Variants in DBNDD1 observed in about 807,000 individuals in gnomAD.
The protein encoded by DBNDD1 is dysbindin domain-containing protein 1.
Under a neutral mutation model 17.0 loss-of-function variants are expected in DBNDD1, and 14 were observed. The ratio of observed to expected loss-of-function variants is 0.82; its 90% CI spans 0.54 to 1.29. The LOEUF (loss-of-function observed/expected upper bound fraction) is 1.29, where lower values mean the gene tolerates loss of function less well. Ranked by LOEUF, DBNDD1 falls within the 50% of genes most tolerant of loss-of-function variation. The pLI, the probability that DBNDD1 is intolerant of heterozygous loss-of-function variation, is 0.00. For missense variants in DBNDD1, 221 were observed against 216.2 expected (o/e 1.02, Z -0.14); for synonymous variants, 105 against 102.0 (o/e 1.03, Z -0.18).
chr16:90,010,311 A>G (rs1430076955), intron 1 of DBNDD1: 14 of 282,472 alleles, frequency 5.0e-5, no homozygotes, highest in Non-Finnish European at 8.6e-5. Flanking sequence ...AAGTGCTAGG[A>G]TTACAAGGTG....
chr16:90,009,414 A>C lies in DBNDD1; in HGVS notation c.48T>G (p.Ala16=). ...GAGTGEIVKE[A]EVPQAALGVP... ...CGCCCAGCGCAGCCTGCGGCACCTCAGCCTCCTTAACGATCTCTGCATCCA... is the reference window on the plus strand; with the variant it reads ...CGCCCAGCGCAGCCTGCGGCACCTCCGCCTCCTTAACGATCTCTGCATCCA... Residue 16 remains alanine, a synonymous_variant, in exon 2 of 4, where the codon GCT becomes GCG. Coordinates refer to ENST00000002501, the MANE Select transcript of DBNDD1 (RefSeq NM_001042610.3). 1 of 1,611,968 alleles carries C rather than the reference A, an allele frequency of 6.2e-7. No homozygotes were observed. The highest frequency in any genetic ancestry group is 8.5e-7 in the Non-Finnish European group (1 of 1,179,990).
chr16:90,016,645 G>T (rs1015061552), intron 1 of DBNDD1, among the ~76,000 whole-genome samples: 1 of 152,194 alleles, frequency 6.6e-6, no homozygotes, highest in African/African-American at 2.4e-5. Flanking sequence ...AGGAGTTGGG[G>T]TGCCTCAGCC....
At chr16:90,015,299 C>G (rs538660466) in intron 1 of DBNDD1, among the ~76,000 whole-genome samples, 2 of 152,270 alleles carry the variant, frequency 1.3e-5, no homozygotes, top group South Asian at 4.2e-4. Flanking sequence ...ACCTGAGCCC[C>G]CAGGAGGGGC....
intron 1 of DBNDD1, among the ~76,000 whole-genome samples, chr16:90,017,476 CAG>C (rs2035659491): frequency 6.8e-6 from 1 of 147,438 alleles, no homozygotes; most frequent in East Asian, 2.1e-4. Flanking sequence ...GCCTGGGCAA[CAG>C]AGCGAGACTC....
chr16:90,016,424 G>A (rs4293384), intron 1 of DBNDD1, among the ~76,000 whole-genome samples: 17,739 of 152,222 alleles, frequency 0.12, 2,133 homozygotes, highest in East Asian at 0.62. Flanking sequence ...ATGGGGGCGG[G>A]TGCTGGCAGC....
chr16:90,010,574 C>T (rs1243673235), intron 1 of DBNDD1, among the ~76,000 whole-genome samples: 2 of 151,464 alleles, frequency 1.3e-5, no homozygotes, highest in Non-Finnish European at 2.9e-5. Context: ...CGTGATCCAC[C>T]CGCCTTGGCC....
Position 90,014,998 on chromosome 16 carries a change from C to T in DBNDD1, c.31+4313G>A, listed in dbSNP as rs1449862841. ...CCAGCCTGGGCGACAGAACGAGACT[C>T]TTGTTTCAAAAAAAAAAAAAAAAGC... On this transcript the variant is annotated intron_variant, in intron 1 of 3. Coordinates refer to ENST00000002501, the MANE Select transcript of DBNDD1 (RefSeq NM_001042610.3). Among the ~76,000 whole-genome samples, 4 of 146,234 alleles carry T rather than the reference C, an allele frequency of 2.7e-5. 1 individual carries two copies. Among genetic ancestry groups the T allele is most frequent in the African/African-American group, 1.0e-4 (4 of 39,392 alleles).
chr16:90,009,891 C>T, intron 1 of DBNDD1: 1 of 1,534,304 alleles, frequency 6.5e-7, no homozygotes, highest in Non-Finnish European at 9.0e-7. Flanking sequence ...CTGACTTTTC[C>T]TTTTAAAAAC....
chr16:90,018,894 G>T (rs984103185), intron 1 of DBNDD1, among the ~76,000 whole-genome samples: 4 of 152,182 alleles, frequency 2.6e-5, no homozygotes, highest in African/African-American at 9.6e-5. Context: ...GGGACTCGCG[G>T]CTGGGCGAAC....
intron 1 of DBNDD1, among the ~76,000 whole-genome samples, chr16:90,010,927 G>A (rs2035543089): frequency 6.7e-6 from 1 of 149,572 alleles, no homozygotes; most frequent in Admixed American, 6.6e-5. Context: ...ACAAAGCGCT[G>A]GCTTCCTTCC....
intron 1 of DBNDD1, among the ~76,000 whole-genome samples, chr16:90,018,362 C>T (rs1489774288): frequency 6.6e-6 from 1 of 152,242 alleles, no homozygotes; most frequent in Non-Finnish European, 1.5e-5. Flanking sequence ...GGACCTGCTC[C>T]TCCCGGGGAC....
At chr16:90,008,050 CA>C (rs1376387009) in intron 3 of DBNDD1, among the ~76,000 whole-genome samples, 1 of 107,004 alleles carries the variant, frequency 9.3e-6, no homozygotes, top group Non-Finnish European at 2.1e-5. Context: ...GGCCTCAGCC[CA>C]CCACACACAC....
chr16:90,015,777 C>T (rs1385489454), intron 1 of DBNDD1, among the ~76,000 whole-genome samples: 1 of 152,024 alleles, frequency 6.6e-6, no homozygotes, highest in East Asian at 1.9e-4. Context: ...TGTGTGACGC[C>T]GTTCCTAGGA....
chr16:90,009,471 C>T, intron 1 of DBNDD1, 41 bp from the exon 2 acceptor site: 1 of 1,601,672 alleles, frequency 6.2e-7, no homozygotes, highest in Non-Finnish European at 8.5e-7. Context: ...ATCCACAGGG[C>T]TCCCACATCC....
At chr16:90,017,429 A>T (rs2035658377) in intron 1 of DBNDD1, among the ~76,000 whole-genome samples, 1 of 151,782 alleles carries the variant, frequency 6.6e-6, no homozygotes, top group South Asian at 2.1e-4. Context: ...CGGGAGGTGG[A>T]GGTTGCAGTG....
At chr16:90,015,399 G>A (rs1484617384) in intron 1 of DBNDD1, among the ~76,000 whole-genome samples, 1 of 152,176 alleles carries the variant, frequency 6.6e-6, no homozygotes, top group East Asian at 1.9e-4. Context: ...AATACATGCA[G>A]CATACAGATA....
intron 3 of DBNDD1, chr16:90,007,443 T>C (rs898774536): frequency 3.9e-5 from 6 of 152,324 alleles, no homozygotes; most frequent in African/African-American, 1.4e-4. Context: ...TGTCCTTCAC[T>C]GGTCACTGTC....
intron 1 of DBNDD1, among the ~76,000 whole-genome samples, chr16:90,018,761 C>T (rs1314930650): frequency 1.3e-5 from 2 of 152,202 alleles, no homozygotes; most frequent in Non-Finnish European, 2.9e-5. Flanking sequence ...CCGGACCAGC[C>T]ACCCTTGCAG....
At chr16:90,014,135 A>AT (rs1368309535) in intron 1 of DBNDD1, among the ~76,000 whole-genome samples, 2 of 150,098 alleles carry the variant, frequency 1.3e-5, no homozygotes, top group African/African-American at 4.9e-5. Flanking sequence ...TATTATTATT[A>AT]TTTTTTTTTT....
Sources: allele counts gnomAD v4.1 joint callset (sites outside exome capture counted in the v4.1 genomes callset), GRCh38; gene constraint gnomAD v4.1.1; transcripts MANE v1.5; gene names NCBI Gene and HGNC (gene_info 2026-07-23, HGNC 2026-07-21).